ARHGAP31: variants seen among roughly 807,000 people sequenced by gnomAD.
ARHGAP31 encodes Rho GTPase activating protein 31.
In ARHGAP31, 34 loss-of-function variants were observed where a neutral mutation model predicts 113.9. The observed-to-expected ratio is 0.30, with a 90% confidence interval of 0.23 to 0.40. The LOEUF (loss-of-function observed/expected upper bound fraction) is 0.40, where lower values mean the gene tolerates loss of function less well. Among genes scored for constraint, ARHGAP31 ranks in the 10% least tolerant of loss-of-function variants. The pLI is 1.00. For synonymous variants in ARHGAP31, 650 were observed against 684.8 expected, an observed-to-expected ratio of 0.95 and a Z score of 0.79; for missense variants, 1,548 against 1,767.1, an observed-to-expected ratio of 0.88 and a Z score of 2.22.
intron 1 of ARHGAP31, among the ~76,000 whole-genome samples, chr3:119,319,081 C>T (rs2107601342): frequency 6.6e-6 from 1 of 152,028 alleles, no homozygotes; most frequent in Non-Finnish European, 1.5e-5. Context: ...CAAACATTAA[C>T]AACTGTGGAA....
chr3:119,311,150 G>T (rs920511649), intron 1 of ARHGAP31, among the ~76,000 whole-genome samples: 2 of 152,126 alleles, frequency 1.3e-5, no homozygotes, highest in African/African-American at 4.8e-5. Flanking sequence ...CCCTAGAGTA[G>T]ACCTCTGTTA....
chr3:119,382,376 G>A lies in ARHGAP31; in HGVS notation c.516G>A (p.Leu172=). The A allele has an allele frequency of 1.9e-6, 3 of 1,614,094 alleles. No individual in the cohort carries two copies. Among genetic ancestry groups the A allele is most frequent in the Non-Finnish European group, 2.5e-6 (3 of 1,180,008 alleles). ...KTNMHARNLA[L]VWAPNLLRSK... Reference sequence around the variant, plus strand: ...ACATGCACGCCCGGAACCTGGCCCTGGTGTGGGCGCCAAACCTCCTCAGGT... The same window carrying A: ...ACATGCACGCCCGGAACCTGGCCCTAGTGTGGGCGCCAAACCTCCTCAGGT... Residue 172 remains leucine, a synonymous_variant, in exon 5 of 12, where the codon CTG becomes CTA. Transcript: ENST00000264245.
intron 1 of ARHGAP31, among the ~76,000 whole-genome samples, chr3:119,309,351 G>T (rs1348956174): frequency 6.6e-6 from 1 of 152,228 alleles, no homozygotes; most frequent in Non-Finnish European, 1.5e-5. Context: ...TGCTGAGGAA[G>T]CCACAGAAGT....
chr3:119,409,639 C>G lies in ARHGAP31; in HGVS notation c.1789C>G (p.Gln597Glu). ...KKTPESSLSSQHLNELEKRPN... is the reference protein window; with the variant it reads ...KKTPESSLSSEHLNELEKRPN... ...AACCCCAGAAAGCTCCTTGAGCTCTCAACATTTAAATGAATTAGAGAAGAG... is the reference window on the plus strand; with the variant it reads ...AACCCCAGAAAGCTCCTTGAGCTCTGAACATTTAAATGAATTAGAGAAGAG... Residue 597 changes from glutamine to glutamate, a missense_variant, in exon 11 of 12, where the codon CAA (glutamine) becomes GAA (glutamate). Coordinates refer to ENST00000264245, the MANE Select transcript of ARHGAP31 (RefSeq NM_020754.4). 1 of 1,613,322 alleles carries G rather than the reference C, an allele frequency of 6.2e-7. No homozygotes were observed. The highest frequency in any genetic ancestry group is 8.5e-7 in the Non-Finnish European group (1 of 1,179,640).
chr3:119,372,905 C>A (rs1236932002), intron 3 of ARHGAP31, among the ~76,000 whole-genome samples: 1 of 152,036 alleles, frequency 6.6e-6, no homozygotes, highest in African/African-American at 2.4e-5. Context: ...GTAGAGTTAA[C>A]AACACTTAAT....
At chr3:119,399,868 C>T (rs936530051) in intron 9 of ARHGAP31, among the ~76,000 whole-genome samples, 2 of 152,174 alleles carry the variant, frequency 1.3e-5, no homozygotes, top group African/African-American at 4.8e-5. Flanking sequence ...GAGGTAACAC[C>T]GACCACCAAA....
intron 1 of ARHGAP31, among the ~76,000 whole-genome samples, chr3:119,329,516 G>A (rs143269908): frequency 2.6e-5 from 4 of 152,288 alleles, no homozygotes; most frequent in African/African-American, 4.8e-5. Flanking sequence ...TCCTTTCTTT[G>A]TGAGCCTGCA....
Position 119,417,900 on chromosome 3 carries a change from C to T in ARHGAP31, c.*1636C>T, listed in dbSNP as rs1342877814. The T allele has an allele frequency of 2.0e-5, 3 of 152,102 alleles. No homozygotes were observed. The highest frequency in any genetic ancestry group is 3.9e-4 in the East Asian group (2 of 5,188). The allele number at this position is 152,102 out of a possible 1,614,324, so 9.4% of individuals were successfully genotyped here. A position where few individuals can be genotyped will look rare whatever the true frequency, so the allele number is the denominator to read the frequency against. On this transcript the variant is annotated 3_prime_UTR_variant, in exon 12 of 12. Coordinates refer to ENST00000264245, the MANE Select transcript of ARHGAP31 (RefSeq NM_020754.4). ...GTCATTGCAGAAATTTCTCTAAGGGCTGATAGTACCTCTGGGTAGGCGTCA... is the reference window on the plus strand; with the variant it reads ...GTCATTGCAGAAATTTCTCTAAGGGTTGATAGTACCTCTGGGTAGGCGTCA...
At chr3:119,315,984 T>C (rs1023682964) in intron 1 of ARHGAP31, among the ~76,000 whole-genome samples, 2 of 152,172 alleles carry the variant, frequency 1.3e-5, no homozygotes, top group Non-Finnish European at 2.9e-5. Context: ...TTATCACACA[T>C]GCTGTATAAT....
intron 1 of ARHGAP31, among the ~76,000 whole-genome samples, chr3:119,331,075 G>T (rs1394501685): frequency 6.6e-6 from 1 of 152,146 alleles, no homozygotes; most frequent in African/African-American, 2.4e-5. Context: ...ATGTCATTGG[G>T]TGCTTCTCTG....
At chr3:119,364,700 T>G (rs2080238722) in intron 1 of ARHGAP31, among the ~76,000 whole-genome samples, 1 of 152,138 alleles carries the variant, frequency 6.6e-6, no homozygotes, top group Non-Finnish European at 1.5e-5. Context: ...AGACCATACT[T>G]GGAGAACAAT....
intron 1 of ARHGAP31, among the ~76,000 whole-genome samples, chr3:119,348,026 G>A (rs2080075275): frequency 6.6e-6 from 1 of 152,162 alleles, no homozygotes; most frequent in Admixed American, 6.5e-5. Context: ...ACCTGTCCGT[G>A]ACCTGTTAGG....
chr3:119,295,151 TTA>T, intron 1 of ARHGAP31, 147 bp downstream of exon 1: 3 of 755,788 alleles, frequency 4.0e-6, no homozygotes, highest in Non-Finnish European at 6.6e-6. Flanking sequence ...TTTTTTTTTT[TTA>T]AAGAACATAA....
chr3:119,414,364 A>T lies in ARHGAP31; in HGVS notation c.2435A>T (p.Lys812Ile). The change falls in exon 12 of 12, where the codon AAA (lysine) becomes ATA (isoleucine). Residue 812 changes from lysine to isoleucine, a missense_variant. By Grantham distance (102) the Lys-to-Ile change is moderately radical. Coordinates refer to ENST00000264245, the MANE Select transcript of ARHGAP31 (RefSeq NM_020754.4). ...CCGGAAAGAGAAGACTCATCCAGGAAATTGAGGACAGATCTCTACATAGAC... is the reference window on the plus strand; with the variant it reads ...CCGGAAAGAGAAGACTCATCCAGGATATTGAGGACAGATCTCTACATAGAC... Reference protein sequence around the residue: ...GGPEREDSSRKLRTDLYIDQL... With the variant: ...GGPEREDSSRILRTDLYIDQL... The T allele has an allele frequency of 6.2e-7, 1 of 1,614,176 alleles. No homozygotes were observed.
chr3:119,318,771 A>G (rs900429213), intron 1 of ARHGAP31, among the ~76,000 whole-genome samples: 2 of 152,206 alleles, frequency 1.3e-5, no homozygotes, highest in Non-Finnish European at 2.9e-5. Flanking sequence ...AAACATTTAA[A>G]TCTCTAAAAA....
intron 6 of ARHGAP31, among the ~76,000 whole-genome samples, chr3:119,388,004 G>A (rs1180966151): frequency 6.6e-6 from 1 of 152,150 alleles, no homozygotes; most frequent in African/African-American, 2.4e-5. Context: ...GAGGATCTAT[G>A]AGCAAATGTT....
chr3:119,313,481 T>A (rs1019471899), intron 1 of ARHGAP31, among the ~76,000 whole-genome samples: 1 of 152,250 alleles, frequency 6.6e-6, no homozygotes, highest in East Asian at 1.9e-4. Flanking sequence ...CTATAACTTG[T>A]TAAATATCAA....
chr3:119,335,080 G>A (rs1433003001), intron 1 of ARHGAP31, among the ~76,000 whole-genome samples: 2 of 128,576 alleles, frequency 1.6e-5, no homozygotes, highest in Admixed American at 9.4e-5. Flanking sequence ...ATTTTCCCAT[G>A]GGAAAAAAAA....
chr3:119,382,040 A>G (rs1464401254), intron 4 of ARHGAP31, among the ~76,000 whole-genome samples: 1 of 149,520 alleles, frequency 6.7e-6, no homozygotes, highest in African/African-American at 2.5e-5. Flanking sequence ...GTGATTCTCT[A>G]GTTCTGTCTC....
Sources: allele counts gnomAD v4.1 joint callset (sites outside exome capture counted in the v4.1 genomes callset), GRCh38; gene constraint gnomAD v4.1.1; transcripts MANE v1.5; gene names NCBI Gene and HGNC (gene_info 2026-07-23, HGNC 2026-07-21).